CACNA2D3: variants seen among roughly 807,000 people sequenced by gnomAD.
CACNA2D3 encodes calcium voltage-gated channel auxiliary subunit alpha2delta 3.
Under a neutral mutation model 160.6 loss-of-function variants are expected in CACNA2D3, and 60 were observed. The ratio of observed to expected loss-of-function variants is 0.37; its 90% CI spans 0.30 to 0.46. CACNA2D3 has a LOEUF of 0.46. CACNA2D3 is among the 20% of genes least tolerant of loss of function. CACNA2D3 has a pLI of 1.00. For missense variants in CACNA2D3, 1,205 were observed against 1,365.0 expected, an observed-to-expected ratio of 0.88 and a Z score of 1.85; for synonymous variants, 558 against 492.9, an observed-to-expected ratio of 1.13 and a Z score of -1.75.
chr3:54,409,404 A>C (rs886606088), intron 4 of CACNA2D3, among the ~76,000 whole-genome samples: 9 of 152,156 alleles, frequency 5.9e-5, no homozygotes, highest in Non-Finnish European at 4.4e-5. Context: ...CCATTCCCTC[A>C]TCTCTCTCCC....
At chr3:54,871,691 A>T in intron 18 of CACNA2D3, 69 bp downstream of exon 18, 1 of 1,249,938 alleles carries the variant, frequency 8.0e-7, no homozygotes, top group Non-Finnish European at 1.2e-6. Context: ...CCTGGGGGCG[A>T]TCCCAGGAGT....
chr3:54,186,827 A>C lies in CACNA2D3; in HGVS notation c.204+63233A>C, dbSNP rs150117227. ...TGAGATCCAACCCAAAATGCTCACC[A>C]ACGGCAGGCCTCTCCATCTCTGAAG... On this transcript the variant is annotated intron_variant, in intron 2 of 37. Coordinates refer to ENST00000474759, the MANE Select transcript of CACNA2D3 (RefSeq NM_018398.3). 6.9e-4 allele frequency among the ~76,000 whole-genome samples: 105 copies of C among 152,326 alleles called. 2 individuals carry two copies. Among genetic ancestry groups the C allele is most frequent in the Admixed American group, 2.0e-3 (31 of 15,308 alleles).
intron 4 of CACNA2D3, among the ~76,000 whole-genome samples, chr3:54,424,493 A>G (rs1468347393): frequency 6.6e-6 from 1 of 152,156 alleles, no homozygotes; most frequent in Non-Finnish European, 1.5e-5. Context: ...AGCTGATCAC[A>G]TTTCCTGATG....
chr3:55,043,660 T>C (rs1403007123), intron 35 of CACNA2D3, among the ~76,000 whole-genome samples: 1 of 152,174 alleles, frequency 6.6e-6, no homozygotes, highest in Non-Finnish European at 1.5e-5. Flanking sequence ...ATCCCATTGA[T>C]TGACTTTTTA....
chr3:54,336,771 A>G (rs992203330), intron 3 of CACNA2D3, among the ~76,000 whole-genome samples: 1 of 152,210 alleles, frequency 6.6e-6, no homozygotes, highest in African/African-American at 2.4e-5. Context: ...CAGTGATCAC[A>G]TAGCAACCCA....
intron 4 of CACNA2D3, among the ~76,000 whole-genome samples, chr3:54,427,865 C>T (rs1367341041): frequency 6.6e-6 from 1 of 152,134 alleles, no homozygotes; most frequent in Non-Finnish European, 1.5e-5. Context: ...TCTGTGATAC[C>T]CTCCTCCCTG....
chr3:54,182,200 A>G (rs1372281178), intron 2 of CACNA2D3, among the ~76,000 whole-genome samples: 2 of 152,228 alleles, frequency 1.3e-5, no homozygotes, highest in Non-Finnish European at 1.5e-5. Flanking sequence ...AGCCTTGTCC[A>G]ACACTCCCTG....
At chr3:54,939,015 A>C (rs1233150304) in intron 27 of CACNA2D3, among the ~76,000 whole-genome samples, 1 of 152,208 alleles carries the variant, frequency 6.6e-6, no homozygotes, top group Non-Finnish European at 1.5e-5. Context: ...AACTGGGACC[A>C]AGAGGAAACT....
At chr3:54,506,650 A>G (rs1701375678) in intron 5 of CACNA2D3, among the ~76,000 whole-genome samples, 1 of 152,182 alleles carries the variant, frequency 6.6e-6, no homozygotes, top group South Asian at 2.1e-4. Context: ...TCAAAGAGGC[A>G]TATTCATTGA....
intron 11 of CACNA2D3, among the ~76,000 whole-genome samples, chr3:54,750,792 A>G (rs1701841640): frequency 6.7e-6 from 1 of 148,972 alleles, no homozygotes; most frequent in South Asian, 2.1e-4. Context: ...TTTTTTTGAC[A>G]TAGGCCCTCA....
intron 14 of CACNA2D3, among the ~76,000 whole-genome samples, chr3:54,834,894 T>A (rs1463469233): frequency 2.6e-5 from 4 of 152,170 alleles, no homozygotes; most frequent in Non-Finnish European, 5.9e-5. Flanking sequence ...ACAGGCAGAA[T>A]TCCTTCTTTT....
chr3:54,550,358 G>C (rs1448642126), intron 5 of CACNA2D3, among the ~76,000 whole-genome samples: 2 of 152,132 alleles, frequency 1.3e-5, no homozygotes, highest in African/African-American at 4.8e-5. Flanking sequence ...TCCAGAAATA[G>C]CCTGGGCCTT....
chr3:54,753,450 A>G (rs1033098947), intron 12 of CACNA2D3, among the ~76,000 whole-genome samples: 2 of 152,174 alleles, frequency 1.3e-5, no homozygotes, highest in African/African-American at 4.8e-5. Context: ...CTGAAGGTAC[A>G]TGGTCCAGAC....
chr3:54,819,700 C>T (rs4955822), intron 14 of CACNA2D3, among the ~76,000 whole-genome samples: 30,102 of 151,994 alleles, frequency 0.2, 3,105 homozygotes, highest in Non-Finnish European at 0.21. Flanking sequence ...CAAAAATTAG[C>T]CGGGCGTGGT....
chr3:54,303,053 A>G (rs1329912059), intron 2 of CACNA2D3, among the ~76,000 whole-genome samples: 1 of 152,102 alleles, frequency 6.6e-6, no homozygotes, highest in African/African-American at 2.4e-5. Context: ...AGATCCTCAG[A>G]GAGGCCTTTG....
intron 5 of CACNA2D3, among the ~76,000 whole-genome samples, chr3:54,535,744 C>T (rs902056173): frequency 6.6e-6 from 1 of 152,178 alleles, no homozygotes; most frequent in African/African-American, 2.4e-5. Flanking sequence ...CCTGAGCTGG[C>T]AAACTGGCCC....
intron 14 of CACNA2D3, among the ~76,000 whole-genome samples, chr3:54,821,487 G>A (rs1052227068): frequency 1.3e-5 from 2 of 152,108 alleles, no homozygotes; most frequent in South Asian, 4.1e-4. Context: ...AATGGAGGTC[G>A]ATTTTTGGTC....
chr3:55,018,226 C>G lies in CACNA2D3; in HGVS notation c.2896C>G (p.Leu966Val), dbSNP rs1217046062. The G allele has an allele frequency of 2.5e-6, 4 of 1,612,406 alleles. No homozygotes were observed. ...TAKAQKLKQT[L>V]EPCDTEYPAF... ...TACAGCCCAGAAATTGAAACAGACCCTGGAGCCTTGTGATACTGAATATCC... is the reference window on the plus strand; with the variant it reads ...TACAGCCCAGAAATTGAAACAGACCGTGGAGCCTTGTGATACTGAATATCC... Residue 966 changes from leucine (L) to valine (V), a missense_variant, in exon 35 of 38, where the codon CTG becomes GTG. Physicochemically the swap from Leu to Val is conservative, Grantham distance 32 (BLOSUM62 1). Coordinates refer to ENST00000474759, the MANE Select transcript of CACNA2D3 (RefSeq NM_018398.3).
intron 2 of CACNA2D3, among the ~76,000 whole-genome samples, chr3:54,269,248 G>A (rs1365609832): frequency 6.6e-6 from 1 of 151,860 alleles, no homozygotes; most frequent in South Asian, 2.1e-4. Flanking sequence ...TCCCATCTTG[G>A]AATTCTGTGG....
Sources: allele counts gnomAD v4.1 joint callset (sites outside exome capture counted in the v4.1 genomes callset), GRCh38; gene constraint gnomAD v4.1.1; transcripts MANE v1.5; gene names NCBI Gene and HGNC (gene_info 2026-07-23, HGNC 2026-07-21).